The following PDILT variants were observed in gnomAD, a reference collection of about 807,000 sequenced individuals.
PDILT encodes the protein protein disulfide-isomerase-like protein of the testis.
PDILT carries 43 observed loss-of-function variants against 53.7 expected under a neutral mutation model. That is an observed-to-expected ratio of 0.80 (90% CI 0.63 to 1.03). The LOEUF (loss-of-function observed/expected upper bound fraction) is 1.03, where lower values mean the gene tolerates loss of function less well. PDILT is among the 50% of genes least tolerant of loss of function. The pLI, the probability that PDILT is intolerant of heterozygous loss-of-function variation, is 0.00. For synonymous variants in PDILT, 282 were observed against 274.2 expected, an observed-to-expected ratio of 1.03 and a Z score of -0.28; for missense variants, 727 against 712.3, an observed-to-expected ratio of 1.02 and a Z score of -0.24.
At chr16:20,373,675 C>T (rs1966340487) in intron 5 of PDILT, among the ~76,000 whole-genome samples, 1 of 152,170 alleles carries the variant, frequency 6.6e-6, no homozygotes, top group Non-Finnish European at 1.5e-5. Flanking sequence ...TGAGTTTTGG[C>T]CAATCAAAGG....
At chr16:20,364,133 G>T (rs1178776399) in intron 9 of PDILT, among the ~76,000 whole-genome samples, 1 of 152,224 alleles carries the variant, frequency 6.6e-6, no homozygotes, top group Non-Finnish European at 1.5e-5. Flanking sequence ...TGCAGCCCCA[G>T]GGGGCCAATC....
At position 20,400,046 on chromosome 16, in the gene PDILT, C is replaced by A. The variant is rs60580363; in HGVS notation, c.-7-739G>T. Reference sequence around the variant, plus strand: ...TCTATCTATCTATCTATCTATCTATCTATCTATCTATATATATATATATAT... The same window carrying A: ...TCTATCTATCTATCTATCTATCTATATATCTATCTATATATATATATATAT... On this transcript the variant is annotated intron_variant, in intron 1 of 11. Coordinates refer to ENST00000302451, the MANE Select transcript of PDILT (RefSeq NM_174924.2). Among the ~76,000 whole-genome samples, 1,137 of 121,940 alleles carry A rather than the reference C, an allele frequency of 9.3e-3. 8 individuals carry two copies. The highest frequency in any genetic ancestry group is 0.031 in the African/African-American group (829 of 26,874). The allele number at this position is 121,940 out of a possible 152,430, so 80.0% of individuals were successfully genotyped here.
chr16:20,377,578 C>T (rs917316451), intron 3 of PDILT, among the ~76,000 whole-genome samples: 5 of 152,138 alleles, frequency 3.3e-5, no homozygotes, highest in African/African-American at 4.8e-5. Context: ...CAAAGTTCTG[C>T]GAGTCTGTAG....
intron 8 of PDILT, among the ~76,000 whole-genome samples, chr16:20,367,652 G>T (rs149306690): frequency 6.6e-6 from 1 of 152,314 alleles, no homozygotes; most frequent in African/African-American, 2.4e-5. Context: ...AATGGAAAGT[G>T]AGGAGGCCTC....
intron 2 of PDILT, among the ~76,000 whole-genome samples, chr16:20,390,201 G>T (rs756915567): frequency 3.9e-5 from 6 of 152,112 alleles, no homozygotes; most frequent in Non-Finnish European, 8.8e-5. Flanking sequence ...ATCTCTTCTT[G>T]TTTCTCAGGG....
rs201187995 is a variant in PDILT at position 20,362,415 on chromosome 16, C to T, written c.1405G>A (p.Gly469Ser). The change falls in exon 10 of 12, where the codon GGC (glycine) becomes AGC (serine). Residue 469 changes from glycine (G) to serine (S), a missense_variant. Gly to Ser is a moderately conservative substitution (Grantham distance 56, BLOSUM62 0). Transcript: ENST00000302451. Reference sequence around the variant, plus strand: ...CAAGAGCCCCTCACTTGTTGAGAGCCGCTGGGGAACAGCCTGAAGAATGGG... The same window carrying T: ...CAAGAGCCCCTCACTTGTTGAGAGCTGCTGGGGAACAGCCTGAAGAATGGG... The part of the protein sequence containing the change: ...RYPFFRLFPS[G>S]SQQAVLYKGE... 99 of 1,614,044 alleles carry T rather than the reference C, an allele frequency of 6.1e-5. No homozygotes were observed. The highest frequency in any genetic ancestry group is 1.2e-4 in the Admixed American group (7 of 60,006).
At position 20,377,639 on chromosome 16, in the gene PDILT, A is replaced by C. The variant is rs900036574; in HGVS notation, c.410-1438T>G. Among the ~76,000 whole-genome samples, 3 of 152,198 alleles carry C rather than the reference A, an allele frequency of 2.0e-5. No individual in the cohort carries two copies. The East Asian group carries it at 5.8e-4, about 29-fold the overall frequency. On this transcript the variant is annotated intron_variant, in intron 3 of 11. Transcript: ENST00000302451. ...AGTCAAGGAGGACTTCCTGGAGGAA[A>C]TTATGGATGAGCTGTAAAATAAAGA... is the stretch of plus-strand genomic sequence containing the variant.
chr16:20,366,680 G>A (rs1966195659), intron 8 of PDILT, among the ~76,000 whole-genome samples: 1 of 152,060 alleles, frequency 6.6e-6, no homozygotes, highest in African/African-American at 2.4e-5. Flanking sequence ...AGTAAGTGTT[G>A]GAAACCTCAA....
At chr16:20,373,143 T>C (rs757345759) in intron 5 of PDILT, 21 bp from the exon 6 acceptor site, 1 of 1,587,276 alleles carries the variant, frequency 6.3e-7, no homozygotes, top group East Asian at 2.2e-5. Context: ...AGGAGAAACA[T>C]ATTGGAGGAC....
At chr16:20,370,724 A>C (rs2141711015) in intron 7 of PDILT, among the ~76,000 whole-genome samples, 1 of 152,314 alleles carries the variant, frequency 6.6e-6, no homozygotes, top group South Asian at 2.1e-4. Context: ...GGAGGTCGGC[A>C]CAAGATACAG....
intron 1 of PDILT, among the ~76,000 whole-genome samples, chr16:20,401,824 C>CCCA (rs1460904364): frequency 6.6e-6 from 1 of 152,238 alleles, no homozygotes; most frequent in African/African-American, 2.4e-5. Flanking sequence ...GTCCTCGTCT[C>CCCA]CCAGGCCTTT....
In PDILT at chr16:20,372,904, C is replaced by A. The variant is rs139885325; in HGVS notation, c.816G>T (p.Leu272Phe). ...ACAGCAGCATGTGACTCATGATGTG[C>A]AACTCGGAAATCAGATCCTTATTCT... Reference protein sequence around the residue: ...NTENKDLISELHIMSHMLLFV... With the variant: ...NTENKDLISEFHIMSHMLLFV... Residue 272 changes from leucine (L) to phenylalanine (F), a missense_variant, in exon 7 of 12, where the codon TTG (leucine) becomes TTT (phenylalanine). Coordinates refer to ENST00000302451, the MANE Select transcript of PDILT (RefSeq NM_174924.2). 278 of 1,614,052 alleles carry A rather than the reference C, an allele frequency of 1.7e-4. 2 individuals are homozygous for A. In the African/African-American group the frequency reaches 3.5e-3, roughly 20 times the overall value.
intron 8 of PDILT, 130 bp from the exon 9 acceptor site, chr16:20,365,670 G>A: frequency 1.7e-6 from 2 of 1,151,710 alleles, no homozygotes; most frequent in Non-Finnish European, 1.2e-6. Flanking sequence ...GAAAGGGTTT[G>A]AAATACTGAG....
chr16:20,366,983 CCTTCCTTTCTTT>C (rs1567320448), intron 8 of PDILT, among the ~76,000 whole-genome samples: 9 of 32,374 alleles, frequency 2.8e-4, no homozygotes, highest in African/African-American at 7.4e-4. Flanking sequence ...TTCCTTCCTT[CCTTCCTTTCTTT>C]CTTTCTTTAT....
At chr16:20,378,582 G>A (rs781218230) in intron 3 of PDILT, among the ~76,000 whole-genome samples, 1 of 152,060 alleles carries the variant, frequency 6.6e-6, no homozygotes, top group Non-Finnish European at 1.5e-5. Context: ...CGTGCATTAG[G>A]TATTTGTCCT....
At chr16:20,368,195 AAG>A (rs1389613498) in intron 8 of PDILT, among the ~76,000 whole-genome samples, 1 of 151,966 alleles carries the variant, frequency 6.6e-6, no homozygotes, top group Non-Finnish European at 1.5e-5. Context: ...GCTATTGGAG[AAG>A]AGAGACCAGG....
chr16:20,391,404 C>G (rs1447749941), intron 2 of PDILT, among the ~76,000 whole-genome samples: 7 of 152,130 alleles, frequency 4.6e-5, no homozygotes, highest in Non-Finnish European at 1.0e-4. Flanking sequence ...TTACCGTCTC[C>G]ACATCATGCT....
At chr16:20,396,282 C>G (rs1596598511) in intron 2 of PDILT, among the ~76,000 whole-genome samples, 1 of 152,322 alleles carries the variant, frequency 6.6e-6, no homozygotes, top group Non-Finnish European at 1.5e-5. Flanking sequence ...GCTTTACACT[C>G]AGTCTTGCCT....
At position 20,372,906 on chromosome 16, in the gene PDILT, A is replaced by C; in HGVS notation, c.814T>G (p.Leu272Val). ...NTENKDLISELHIMSHMLLFV... is the reference protein window; with the variant it reads ...NTENKDLISEVHIMSHMLLFV... ...AGCAGCATGTGACTCATGATGTGCA[A>C]CTCGGAAATCAGATCCTTATTCTGA... The change falls in exon 7 of 12, where the codon TTG becomes GTG. Residue 272 changes from leucine (L) to valine (V), a missense_variant. Coordinates refer to ENST00000302451, the MANE Select transcript of PDILT (RefSeq NM_174924.2). 1.2e-6 allele frequency: 2 copies of C among 1,614,080 alleles called. No homozygotes were observed. Among genetic ancestry groups the C allele is most frequent in the Non-Finnish European group, 1.7e-6 (2 of 1,179,958 alleles).
Sources: allele counts gnomAD v4.1 joint callset (sites outside exome capture counted in the v4.1 genomes callset), GRCh38; gene constraint gnomAD v4.1.1; transcripts MANE v1.5; gene names NCBI Gene and HGNC (gene_info 2026-07-23, HGNC 2026-07-21).